Variants in LRRC27 observed in about 807,000 individuals in gnomAD.
LRRC27 encodes leucine-rich repeat-containing protein 27.
Under a neutral mutation model 55.0 loss-of-function variants are expected in LRRC27, and 57 were observed. The ratio of observed to expected loss-of-function variants is 1.04; its 90% confidence interval spans 0.84 to 1.29. The LOEUF is 1.29. LRRC27 is among the 50% of genes most tolerant of loss of function. The pLI is 0.00. For missense variants in LRRC27, 721 were observed against 651.5 expected, an observed-to-expected ratio of 1.11 and a Z score of -1.16; for synonymous variants, 278 against 251.9, an observed-to-expected ratio of 1.10 and a Z score of -0.98.
At chr10:132,342,189 T>TTTTTG in intron 3 of LRRC27, 24 bp from the exon 4 acceptor site, 1 of 1,451,918 alleles carries the variant, frequency 6.9e-7, no homozygotes. Flanking sequence ...TTTTTAAATT[T>TTTTTG]TTTTGTTTTG....
chr10:132,338,276 A>C (rs1025744989), intron 3 of LRRC27, among the ~76,000 whole-genome samples: 2 of 152,146 alleles, frequency 1.3e-5, no homozygotes, highest in Non-Finnish European at 2.9e-5. Flanking sequence ...AGATCACACC[A>C]CTGCACTCCA....
chr10:132,340,443 C>A (rs180734983), intron 3 of LRRC27, among the ~76,000 whole-genome samples: 1 of 152,124 alleles, frequency 6.6e-6, no homozygotes, highest in African/African-American at 2.4e-5. Context: ...TTGACAAAGC[C>A]CTAGCATTGG....
Position 132,337,288 on chromosome 10 carries a change from A to G in LRRC27, c.211-277A>G, listed in dbSNP as rs1031017885. 3.2e-6 allele frequency: 4 copies of G among 1,245,118 alleles called. No individual in the cohort carries two copies. The African/African-American group carries it at 4.6e-5, about 14-fold the overall frequency. 77.1% of individuals were successfully genotyped at this position (1,245,118 alleles called of 1,614,324 possible). The stretch of plus-strand genomic sequence containing the variant: ...CAGACCATGTCAAAGGCTTTGGGAT[A>G]GAAACAGTGGTGTGCTGGGTCAGCA... On this transcript the variant is annotated intron_variant, in intron 2 of 10. Coordinates refer to ENST00000368614, the MANE Select transcript of LRRC27 (RefSeq NM_030626.3).
At chr10:132,363,336 C>G (rs2068735889) in intron 9 of LRRC27, among the ~76,000 whole-genome samples, 1 of 152,224 alleles carries the variant, frequency 6.6e-6, no homozygotes, top group South Asian at 2.1e-4. Flanking sequence ...TCTGCGTTCA[C>G]AGCTTCTATA....
At chr10:132,364,843 C>CTTACACTCATGCTTACATCTACCT (rs1564855237) in intron 9 of LRRC27, among the ~76,000 whole-genome samples, 6 of 115,378 alleles carry the variant, frequency 5.2e-5, no homozygotes, top group Admixed American at 8.4e-5. Flanking sequence ...CACGCCCACA[C>CTTACACTCATGCTTACATCTACCT]CCTGGGGCCC....
chr10:132,338,384 C>A (rs1016178694), intron 3 of LRRC27, among the ~76,000 whole-genome samples: 3 of 152,212 alleles, frequency 2.0e-5, no homozygotes, highest in South Asian at 4.1e-4. Context: ...CACATTGGTT[C>A]TTGGCAAATA....
At chr10:132,363,646 G>C (rs1318273481) in intron 9 of LRRC27, among the ~76,000 whole-genome samples, 2 of 152,174 alleles carry the variant, frequency 1.3e-5, no homozygotes, top group South Asian at 4.1e-4. Flanking sequence ...CACTGAAAGC[G>C]CCTCACTGCA....
chr10:132,331,235 G>C (rs76805118), upstream of LRRC27, among the ~76,000 whole-genome samples: 2 of 141,770 alleles, frequency 1.4e-5, no homozygotes, highest in Non-Finnish European at 3.1e-5. Context: ...GTGAAATCAT[G>C]GCAGACTCCA....
Position 132,364,408 on chromosome 10 carries a change from C to CACGCCCACAATT in LRRC27, c.1290-1014_1290-1013insGCCCACAATTAC. Reference sequence around the variant, plus strand: ...TTACACCCACCCTTACATCTACCTCCACACCCGCGCTTACACCCACGCTTA... The same window carrying CACGCCCACAATT: ...TTACACCCACCCTTACATCTACCTCCACGCCCACAATTACACCCGCGCTTACACCCACGCTTA... On this transcript the variant is annotated intron_variant, in intron 9 of 10. Transcript: ENST00000368614. 3.3e-5 allele frequency among the ~76,000 whole-genome samples: 5 copies of CACGCCCACAATT among 149,484 alleles called. 1 individual carries two copies. The highest frequency in any genetic ancestry group is 5.0e-5 in the African/African-American group (2 of 40,134).
chr10:132,363,268 A>T lies in LRRC27; in HGVS notation c.1289+1693A>T, dbSNP rs1179863135. On this transcript the variant is annotated intron_variant, in intron 9 of 10. Coordinates refer to ENST00000368614, the MANE Select transcript of LRRC27 (RefSeq NM_030626.3). The stretch of plus-strand genomic sequence containing the variant: ...GGGTTCATGAACCCTCTCACCTCAC[A>T]GCTGCTCGGGGGTCCGGGGTTCACC... Among the ~76,000 whole-genome samples, 3 of 150,890 alleles carry T rather than the reference A, an allele frequency of 2.0e-5. No homozygotes were observed. In the East Asian group the frequency reaches 5.8e-4, roughly 29 times the overall value.
chr10:132,365,634 TTC>T, intron 10 of LRRC27, 84 bp downstream of exon 10: 1 of 1,500,690 alleles, frequency 6.7e-7, no homozygotes, highest in Non-Finnish European at 8.9e-7. Context: ...CAGAGTCTTG[TTC>T]TGTCACCCAG....
chr10:132,364,762 T>TTA (rs1590721945), intron 9 of LRRC27, among the ~76,000 whole-genome samples: 1 of 1,274 alleles, frequency 7.8e-4, no homozygotes, highest in Non-Finnish European at 2.3e-3. Flanking sequence ...ACACTTACAC[T>TTA]CATGCTTACA....
Position 132,365,540 on chromosome 10 carries a change from A to T in LRRC27, c.1406A>T (p.Asp469Val). Reference sequence around the variant, plus strand: ...GAGGAGATGAGGAAGGCTGCCGAGGATCTGGAAATTGTAAGGATTTCTTGG... The same window carrying T: ...GAGGAGATGAGGAAGGCTGCCGAGGTTCTGGAAATTGTAAGGATTTCTTGG... ...PLEEMRKAAE[D>V]LEIATELQDE... Residue 469 changes from aspartate to valine, a missense_variant, in exon 10 of 11, where the codon GAT becomes GTT. Physicochemically the swap from Asp to Val is radical, Grantham distance 152. Coordinates refer to ENST00000368614, the MANE Select transcript of LRRC27 (RefSeq NM_030626.3). 1.2e-6 allele frequency: 2 copies of T among 1,613,234 alleles called. No individual in the cohort carries two copies.
intron 1 of LRRC27, among the ~76,000 whole-genome samples, chr10:132,332,727 C>T (rs1033108663): frequency 1.7e-4 from 25 of 149,686 alleles, no homozygotes; most frequent in Non-Finnish European, 9.0e-5. Flanking sequence ...GGTGTCGCCT[C>T]TACCCCCCAA....
intron 2 of LRRC27, among the ~76,000 whole-genome samples, chr10:132,335,413 G>T (rs941129885): frequency 2.6e-5 from 4 of 151,120 alleles, no homozygotes; most frequent in African/African-American, 9.8e-5. Context: ...TCGCCTATTG[G>T]TTGTTGGGTA....
intron 9 of LRRC27, among the ~76,000 whole-genome samples, chr10:132,364,459 ACC>A (rs2068860855): frequency 4.7e-5 from 3 of 63,412 alleles, no homozygotes; most frequent in Non-Finnish European, 9.7e-5. Flanking sequence ...CCACACTCAC[ACC>A]CACCCACACT....
intron 10 of LRRC27, chr10:132,366,155 C>A (rs546755983): frequency 1.9e-5 from 3 of 156,966 alleles, no homozygotes; most frequent in African/African-American, 7.2e-5. Flanking sequence ...GTCCTCTCCA[C>A]ATGTCTGTGG....
chr10:132,352,756 G>C, intron 7 of LRRC27: 3 of 1,005,652 alleles, frequency 3.0e-6, no homozygotes, highest in Non-Finnish European at 4.5e-6. Flanking sequence ...CAGCCCCGAG[G>C]CCTCCCTGTG....
chr10:132,347,431 G>C (rs1403873413), intron 5 of LRRC27, among the ~76,000 whole-genome samples: 2 of 151,046 alleles, frequency 1.3e-5, no homozygotes, highest in Non-Finnish European at 3.0e-5. Context: ...TGTGTAGGAA[G>C]GTCAGGCGTG....
Sources: allele counts gnomAD v4.1 joint callset (sites outside exome capture counted in the v4.1 genomes callset), GRCh38; gene constraint gnomAD v4.1.1; transcripts MANE v1.5; gene names NCBI Gene and HGNC (gene_info 2026-07-23, HGNC 2026-07-21).